Variants in LHCGR observed in about 807,000 individuals in gnomAD.
LHCGR encodes luteinizing hormone/choriogonadotropin receptor, also known as lutropin-choriogonadotropic hormone receptor.
LHCGR carries 55 observed loss-of-function variants against 60.7 expected under a neutral mutation model. The observed-to-expected ratio is 0.91, with a 90% CI of 0.73 to 1.13. LHCGR has a LOEUF of 1.13. LHCGR is among the 50% of genes most tolerant of loss of function. The probability of loss-of-function intolerance (pLI) is 0.00; values close to 1 mark genes in which losing one functional copy is unlikely to be tolerated. For synonymous variants in LHCGR, 337 were observed against 316.5 expected (o/e 1.06, Z -0.69); for missense variants, 862 against 836.0 (o/e 1.03, Z -0.38).
intron 1 of LHCGR, chr2:48,733,055 T>C (rs1245582660): frequency 4.0e-6 from 2 of 503,126 alleles, no homozygotes; most frequent in Admixed American, 4.2e-5. Context: ...AACACAGTTT[T>C]ATTGCTCTCT....
chr2:48,750,427 TG>T (rs1167648688), intron 1 of LHCGR, among the ~76,000 whole-genome samples: 1 of 152,212 alleles, frequency 6.6e-6, no homozygotes, highest in African/African-American at 2.4e-5. Flanking sequence ...CTTCAGGTCT[TG>T]CTTCCCTGAA....
intron 1 of LHCGR, among the ~76,000 whole-genome samples, chr2:48,738,362 C>T (rs1172032380): frequency 6.6e-6 from 1 of 152,156 alleles, no homozygotes; most frequent in African/African-American, 2.4e-5. Flanking sequence ...CCCCTTTACT[C>T]CTTACACACT....
intron 8 of LHCGR, among the ~76,000 whole-genome samples, chr2:48,706,682 G>A (rs1237042484): frequency 1.3e-5 from 2 of 151,942 alleles, no homozygotes; most frequent in African/African-American, 2.4e-5. Context: ...GATCTAATTG[G>A]CTATTGAAGC....
At chr2:48,699,714 T>C (rs1251883124) in intron 8 of LHCGR, among the ~76,000 whole-genome samples, 1 of 152,268 alleles carries the variant, frequency 6.6e-6, no homozygotes, top group Non-Finnish European at 1.5e-5. Flanking sequence ...TGTTCTCTAA[T>C]GATTCATCTG....
chr2:48,700,380 A>G (rs897523602), intron 8 of LHCGR, among the ~76,000 whole-genome samples: 68 of 152,170 alleles, frequency 4.5e-4, no homozygotes, highest in African/African-American at 1.6e-3. Flanking sequence ...GCTTTTAGAT[A>G]CGATTCAAGT....
At chr2:48,695,478 T>C (rs1300214112) in intron 9 of LHCGR, among the ~76,000 whole-genome samples, 2 of 152,188 alleles carry the variant, frequency 1.3e-5, no homozygotes, top group Non-Finnish European at 2.9e-5. Context: ...GTTCATCCAC[T>C]GTGGAAATCA....
intron 9 of LHCGR, among the ~76,000 whole-genome samples, chr2:48,695,458 G>T (rs1259755656): frequency 6.6e-6 from 1 of 152,140 alleles, no homozygotes; most frequent in Non-Finnish European, 1.5e-5. Context: ...GTTGGTGGGA[G>T]TGTAAATTAG....
At chr2:48,742,382 A>C (rs1031500832) in intron 1 of LHCGR, among the ~76,000 whole-genome samples, 1 of 150,874 alleles carries the variant, frequency 6.6e-6, no homozygotes, top group Non-Finnish European at 1.5e-5. Flanking sequence ...AAATCAACAG[A>C]ATATACATTT....
rs761629912 is a variant in LHCGR at position 48,687,811 on chromosome 2, G to T, written c.1986C>A (p.Asn662Lys). The T allele has an allele frequency of 6.2e-7, 1 of 1,614,188 alleles. No homozygotes were observed. The highest frequency in any genetic ancestry group is 8.5e-7 in the Non-Finnish European group (1 of 1,180,008). Reference protein sequence around the residue: ...RRKDFSAYTSNCKNGFTGSNK... With the variant: ...RRKDFSAYTSKCKNGFTGSNK... Reference sequence around the variant, plus strand: ...TTGATCCAGTGAAGCCATTTTTGCAGTTGGAGGTGTAAGCTGAAAAATCTT... The same window carrying T: ...TTGATCCAGTGAAGCCATTTTTGCATTTGGAGGTGTAAGCTGAAAAATCTT... Residue 662 changes from asparagine to lysine, a missense_variant, in exon 11 of 11, where the codon AAC (asparagine) becomes AAA (lysine). Physicochemically the swap from Asn to Lys is moderately conservative, Grantham distance 94. Coordinates refer to ENST00000294954, the MANE Select transcript of LHCGR (RefSeq NM_000233.4).
chr2:48,741,061 T>C (rs375147254), intron 1 of LHCGR, among the ~76,000 whole-genome samples: 7 of 152,214 alleles, frequency 4.6e-5, no homozygotes, highest in South Asian at 2.1e-4. Flanking sequence ...CCTCAGGAGC[T>C]GATGCGATCA....
At chr2:48,693,312 T>C (rs1476285950) in intron 10 of LHCGR, among the ~76,000 whole-genome samples, 1 of 152,186 alleles carries the variant, frequency 6.6e-6, no homozygotes, top group Non-Finnish European at 1.5e-5. Context: ...CCAAATGGTA[T>C]TTCTGCTGTT....
intron 9 of LHCGR, among the ~76,000 whole-genome samples, chr2:48,694,903 A>G (rs1159436507): frequency 1.3e-5 from 2 of 152,158 alleles, no homozygotes; most frequent in Admixed American, 6.5e-5. Flanking sequence ...GGGAGCACTT[A>G]CCTAGAGATG....
At chr2:48,709,255 G>C (rs542294770) in intron 7 of LHCGR, among the ~76,000 whole-genome samples, 1 of 152,038 alleles carries the variant, frequency 6.6e-6, no homozygotes, top group African/African-American at 2.4e-5. Flanking sequence ...CCTTCACTTG[G>C]TAGAACTCTG....
At chr2:48,745,875 TA>T (rs1265417319) in intron 1 of LHCGR, among the ~76,000 whole-genome samples, 1 of 149,268 alleles carries the variant, frequency 6.7e-6, no homozygotes, top group African/African-American at 2.5e-5. Context: ...AATTAAAAAT[TA>T]AAAGAAAAAA....
At chr2:48,718,552 G>A (rs1446936738) in intron 6 of LHCGR, among the ~76,000 whole-genome samples, 1 of 152,148 alleles carries the variant, frequency 6.6e-6, no homozygotes, top group Non-Finnish European at 1.5e-5. Flanking sequence ...TTGCTAAAAG[G>A]CAAAGCATAC....
chr2:48,739,245 T>C (rs2103672592), intron 1 of LHCGR, among the ~76,000 whole-genome samples: 1 of 152,350 alleles, frequency 6.6e-6, no homozygotes, highest in South Asian at 2.1e-4. Context: ...ATTGTGGAAG[T>C]CAGTGTGGCG....
intron 1 of LHCGR, among the ~76,000 whole-genome samples, chr2:48,732,219 T>G (rs1199813809): frequency 6.6e-6 from 1 of 152,154 alleles, no homozygotes. Context: ...GTATCTACAA[T>G]GGTTTAATGT....
At chr2:48,703,747 G>C (rs747561659) in intron 8 of LHCGR, among the ~76,000 whole-genome samples, 22 of 152,316 alleles carry the variant, frequency 1.4e-4, no homozygotes, top group Middle Eastern at 3.4e-3. Flanking sequence ...TGTATCCCAA[G>C]ACTTCGCTGA....
At chr2:48,702,871 A>C (rs977265116) in intron 8 of LHCGR, among the ~76,000 whole-genome samples, 1 of 152,222 alleles carries the variant, frequency 6.6e-6, no homozygotes, top group Non-Finnish European at 1.5e-5. Context: ...TGATTGAACT[A>C]ATTTACAGTC....
Sources: allele counts gnomAD v4.1 joint callset (sites outside exome capture counted in the v4.1 genomes callset), GRCh38; gene constraint gnomAD v4.1.1; transcripts MANE v1.5; gene names NCBI Gene and HGNC (gene_info 2026-07-23, HGNC 2026-07-21).